Variants in PPP2R5E observed in about 807,000 individuals in gnomAD.
The protein encoded by PPP2R5E is protein phosphatase 2 regulatory subunit B'epsilon.
In PPP2R5E, 4 loss-of-function variants were observed where a neutral mutation model predicts 65.3. The ratio of observed to expected loss-of-function variants is 0.06; its 90% confidence interval spans 0.03 to 0.14. The LOEUF (loss-of-function observed/expected upper bound fraction) is 0.14, where lower values mean the gene tolerates loss of function less well. PPP2R5E is among the 10% of genes least tolerant of loss of function. PPP2R5E has a pLI of 1.00. For missense variants in PPP2R5E, 274 were observed against 556.1 expected (o/e 0.49, Z 5.10); for synonymous variants, 183 against 187.4 (o/e 0.98, Z 0.19).
intron 2 of PPP2R5E, among the ~76,000 whole-genome samples, chr14:63,471,235 G>A (rs1370705235): frequency 3.9e-5 from 6 of 152,190 alleles, no homozygotes; most frequent in African/African-American, 1.2e-4. Flanking sequence ...AGATGGGCCA[G>A]AAGAACCTCA....
At chr14:63,481,951 A>T (rs1443662196) in intron 2 of PPP2R5E, among the ~76,000 whole-genome samples, 1 of 152,212 alleles carries the variant, frequency 6.6e-6, no homozygotes, top group East Asian at 1.9e-4. Context: ...TTAGAAGATG[A>T]TGGTAGGAAA....
chr14:63,406,423 A>G (rs1886098790), intron 5 of PPP2R5E, among the ~76,000 whole-genome samples: 2 of 151,832 alleles, frequency 1.3e-5, no homozygotes, highest in South Asian at 2.1e-4. Context: ...AAAAAAAAAA[A>G]AAAGAAAAAG....
chr14:63,502,086 G>A (rs1014947444), intron 2 of PPP2R5E, among the ~76,000 whole-genome samples: 4 of 151,986 alleles, frequency 2.6e-5, no homozygotes, highest in African/African-American at 7.2e-5. Context: ...GTTGAGATGC[G>A]GTTTCACCAT....
rs1883780969 is a variant in PPP2R5E at position 63,373,168 on chromosome 14, A to G, written c.*2841T>C. Reference sequence around the variant, plus strand: ...AGGGTTGTGTGTATTTTTCTCTTCCAAAGACACTCTTAATCCTATCCCTGA... The same window carrying G: ...AGGGTTGTGTGTATTTTTCTCTTCCGAAGACACTCTTAATCCTATCCCTGA... On this transcript the variant is annotated 3_prime_UTR_variant, in exon 14 of 14. Transcript: ENST00000337537. 1 of 152,212 alleles carries G rather than the reference A, an allele frequency of 6.6e-6. No individual in the cohort carries two copies. Among genetic ancestry groups the G allele is most frequent in the Admixed American group, 6.5e-5 (1 of 15,276 alleles). 9.4% of individuals were successfully genotyped at this position (152,212 alleles called of 1,614,324 possible). A position where few individuals can be genotyped will look rare whatever the true frequency, so the allele number is the denominator to read the frequency against.
intron 2 of PPP2R5E, among the ~76,000 whole-genome samples, chr14:63,532,319 T>G (rs1893468289): frequency 6.6e-6 from 1 of 151,846 alleles, no homozygotes; most frequent in East Asian, 1.9e-4. Flanking sequence ...TATTATCTAT[T>G]CAAAAAATGA....
intron 2 of PPP2R5E, among the ~76,000 whole-genome samples, chr14:63,456,344 T>A (rs189240309): frequency 2.0e-5 from 3 of 152,314 alleles, no homozygotes; most frequent in South Asian, 2.1e-4. Flanking sequence ...GTTCAAAAAA[T>A]TTAGGCAGTT....
At chr14:63,435,093 G>C (rs565739503) in intron 3 of PPP2R5E, among the ~76,000 whole-genome samples, 1 of 152,254 alleles carries the variant, frequency 6.6e-6, no homozygotes, top group South Asian at 2.1e-4. Flanking sequence ...GGAAAAACAG[G>C]AAAGAGCAAA....
At chr14:63,421,805 C>T (rs1170320871) in intron 4 of PPP2R5E, among the ~76,000 whole-genome samples, 188 bp downstream of exon 4, 1 of 152,204 alleles carries the variant, frequency 6.6e-6, no homozygotes, top group Non-Finnish European at 1.5e-5. Flanking sequence ...AAGCATCACA[C>T]TGACACTATT....
chr14:63,496,887 T>TAA lies in PPP2R5E; in HGVS notation c.157+42640_157+42641dup, dbSNP rs35739225. Among the ~76,000 whole-genome samples the TAA allele has an allele frequency of 4.1e-4, 59 of 144,290 alleles. 2 individuals carry two copies. The highest frequency in any genetic ancestry group is 6.3e-4 in the Non-Finnish European group (41 of 65,332). The allele number at this position is 144,290 out of a possible 152,430, so 94.7% of individuals were successfully genotyped here. ...AACTATTTTATCTGGGTACACAGTT[T>TAA]AAAAAAAAAAAAAGGTAGTTTTCCA... On this transcript the variant is annotated intron_variant, in intron 2 of 13. Coordinates refer to ENST00000337537, the MANE Select transcript of PPP2R5E (RefSeq NM_006246.5).
chr14:63,466,321 G>C (rs1889800423), intron 2 of PPP2R5E, among the ~76,000 whole-genome samples: 1 of 149,874 alleles, frequency 6.7e-6, no homozygotes, highest in South Asian at 2.1e-4. Context: ...TGCAATGCCA[G>C]CTTAGAGATG....
At chr14:63,418,165 T>C (rs1261860307) in intron 4 of PPP2R5E, among the ~76,000 whole-genome samples, 1 of 152,180 alleles carries the variant, frequency 6.6e-6, no homozygotes, top group Non-Finnish European at 1.5e-5. Flanking sequence ...CCTCAGAGAA[T>C]TGTTCCTTTT....
intron 3 of PPP2R5E, among the ~76,000 whole-genome samples, chr14:63,449,762 C>T (rs1407030389): frequency 1.4e-5 from 2 of 140,328 alleles, no homozygotes; most frequent in East Asian, 4.4e-4. Flanking sequence ...AAATGGAGAA[C>T]CCCTAAGTTA....
rs1281294574 is a variant in PPP2R5E at position 63,453,714 on chromosome 14, T to G, written c.329A>C (p.Gln110Pro). The G allele has an allele frequency of 6.2e-7, 1 of 1,613,830 alleles. No homozygotes were observed. Among genetic ancestry groups the G allele is most frequent in the African/African-American group, 1.3e-5 (1 of 74,912 alleles). Residue 110 changes from glutamine to proline, a missense_variant, in exon 3 of 14, where the codon CAG becomes CCG. This residue lies in a region of PPP2R5E where 51 missense variants were observed against 101.1 expected (regional missense o/e 0.50). Coordinates refer to ENST00000337537, the MANE Select transcript of PPP2R5E (RefSeq NM_006246.5). Reference protein sequence around the residue: ...ITISRGCLTEQTYPEVVRMVS... With the variant: ...ITISRGCLTEPTYPEVVRMVS... Reference sequence around the variant, plus strand: ...CATTCTAACTACTTCAGGGTAAGTCTGCTCTGTCAAACAGCCTCTGCTTAT... The same window carrying G: ...CATTCTAACTACTTCAGGGTAAGTCGGCTCTGTCAAACAGCCTCTGCTTAT...
At chr14:63,431,862 T>C (rs2139925631) in intron 3 of PPP2R5E, among the ~76,000 whole-genome samples, 1 of 152,296 alleles carries the variant, frequency 6.6e-6, no homozygotes, top group Middle Eastern at 3.4e-3. Context: ...ATTATTCAAA[T>C]ATACTTTAGG....
intron 2 of PPP2R5E, among the ~76,000 whole-genome samples, chr14:63,498,472 T>G (rs1255625): frequency 0.32 from 49,328 of 152,044 alleles, 12,069 homozygotes; most frequent in African/African-American, 0.69. Context: ...ACCTTTGGAA[T>G]GTTTTTAAGT....
At chr14:63,485,177 T>G (rs1420246260) in intron 2 of PPP2R5E, among the ~76,000 whole-genome samples, 1 of 147,930 alleles carries the variant, frequency 6.8e-6, no homozygotes, top group Non-Finnish European at 1.5e-5. Flanking sequence ...ACAAAAGAAC[T>G]GCTACTGCTA....
At chr14:63,462,359 T>C (rs1368319464) in intron 2 of PPP2R5E, among the ~76,000 whole-genome samples, 1 of 152,158 alleles carries the variant, frequency 6.6e-6, no homozygotes, top group Non-Finnish European at 1.5e-5. Flanking sequence ...TGTGAGCCAG[T>C]GCACCCAGCC....
intron 5 of PPP2R5E, among the ~76,000 whole-genome samples, chr14:63,398,761 G>T (rs951753798): frequency 6.6e-6 from 1 of 152,162 alleles, no homozygotes. Context: ...CTGCACTACA[G>T]CCTAGGCAAC....
intron 2 of PPP2R5E, among the ~76,000 whole-genome samples, chr14:63,526,715 C>T (rs1322599724): frequency 6.6e-6 from 1 of 152,178 alleles, no homozygotes; most frequent in Non-Finnish European, 1.5e-5. Context: ...TGCCTCCACA[C>T]CTGGCTAATT....
Sources: allele counts gnomAD v4.1 joint callset (sites outside exome capture counted in the v4.1 genomes callset), GRCh38; gene constraint gnomAD v4.1.1; regional missense constraint gnomAD v4.1.1; transcripts MANE v1.5; gene names NCBI Gene and HGNC (gene_info 2026-07-23, HGNC 2026-07-21).